Variants in FBN3 observed in about 807,000 individuals in gnomAD.
FBN3 encodes fibrillin 3, also known as fibrillin-3.
A neutral mutation model predicts 330.1 loss-of-function variants in FBN3; 234 were observed. The ratio of observed to expected loss-of-function variants is 0.71; its 90% confidence interval spans 0.64 to 0.79. The LOEUF is 0.79. Among genes scored for constraint, FBN3 ranks in the 30% least tolerant of loss-of-function variants. The pLI, the probability that FBN3 is intolerant of heterozygous loss-of-function variation, is 0.00. For synonymous variants in FBN3, 1,458 were observed against 1,517.3 expected (o/e 0.96, Z 0.91); for missense variants, 3,606 against 3,886.9 (o/e 0.93, Z 1.92).
At chr19:8,126,947 G>T in intron 18 of FBN3, 115 bp from the exon 19 acceptor site, 1 of 1,189,466 alleles carries the variant, frequency 8.4e-7, no homozygotes, top group Non-Finnish European at 1.1e-6. Context: ...GCACCCAGAT[G>T]CACAAGCATG....
chr19:8,118,481 A>T (rs2144876987), intron 26 of FBN3, among the ~76,000 whole-genome samples: 1 of 152,076 alleles, frequency 6.6e-6, no homozygotes, highest in African/African-American at 2.4e-5. Flanking sequence ...AATGAAACAC[A>T]CCTACGCACA....
Position 8,131,272 on chromosome 19 carries a change from C to G in FBN3, c.2007G>C (p.Leu669=). 6.2e-7 allele frequency: 1 copy of G among 1,611,994 alleles called. No individual in the cohort carries two copies. The highest frequency in any genetic ancestry group is 8.5e-7 in the Non-Finnish European group (1 of 1,179,564). The stretch of plus-strand genomic sequence containing the variant: ...TGGTAATGCCAAGCCCACTGCTGCA[C>G]AGTGCCTGGAACTCAGCTGGGGATG... The part of the protein sequence containing the change: ...PAKDSAEFQA[L]CSSGLGITTD... Residue 669 remains leucine (L), a synonymous_variant, in exon 16 of 64, where the codon CTG becomes CTC. Transcript: ENST00000600128. This position sits in a 1 kb window ranked among gnomAD's most constrained non-coding sequence, Gnocchi z 4.5.
chr19:8,104,933 TTCTC>T (rs988642568), intron 38 of FBN3, among the ~76,000 whole-genome samples: 3 of 146,648 alleles, frequency 2.0e-5, no homozygotes. Flanking sequence ...TTCTCTTTCT[TTCTC>T]TCTCTTTCTC....
intron 8 of FBN3, among the ~76,000 whole-genome samples, chr19:8,140,790 G>A (rs1237203284): frequency 3.9e-5 from 6 of 152,008 alleles, no homozygotes; most frequent in African/African-American, 1.5e-4. Context: ...TCCAATCCAA[G>A]GACTGGTCTT....
At chr19:8,116,224 C>G (rs115429206) in intron 29 of FBN3, among the ~76,000 whole-genome samples, 2,181 of 152,236 alleles carry the variant, frequency 0.014, 52 homozygotes, top group African/African-American at 0.046. Flanking sequence ...GCTCCCCAGG[C>G]CCTAGGACAA....
Position 8,131,235 on chromosome 19 carries a change from C to G in FBN3, c.2044G>C (p.Asp682His), listed in dbSNP as rs199635753. 2.8e-5 allele frequency: 45 copies of G among 1,608,522 alleles called. 2 individuals carry two copies. Among genetic ancestry groups the G allele is most frequent in the Admixed American group, 5.1e-5 (3 of 58,920 alleles). ...SGLGITTDGR[D>H]INECALDPEV... ...TTTGGAGGGGCTGGGCTCCACTTAC[C>G]TCGACCATCCGTGGTAATGCCAAGC... Residue 682 changes from aspartate to histidine, a missense_variant and splice_region_variant, in exon 16 of 64, where the codon GAC (aspartate) becomes CAC (histidine). Coordinates refer to ENST00000600128, the MANE Select transcript of FBN3 (RefSeq NM_032447.5). The surrounding 1 kb of genome is among the most constrained non-coding windows in gnomAD (Gnocchi z 4.5).
chr19:8,129,206 G>C lies in FBN3; in HGVS notation c.2170+34C>G. On this transcript the variant is annotated intron_variant, in intron 17 of 63. Coordinates refer to ENST00000600128, the MANE Select transcript of FBN3 (RefSeq NM_032447.5). This position sits in a 1 kb window ranked among gnomAD's most constrained non-coding sequence, Gnocchi z 4.5. ...TGAGGGGTCTGCAGTGGGAGAGGCTGCCCACACATCCGCCCGCCAGGTGGC... is the reference window on the plus strand; with the variant it reads ...TGAGGGGTCTGCAGTGGGAGAGGCTCCCCACACATCCGCCCGCCAGGTGGC... 6.2e-7 allele frequency: 1 copy of C among 1,612,618 alleles called. No homozygotes were observed. The highest frequency in any genetic ancestry group is 8.5e-7 in the Non-Finnish European group (1 of 1,179,270).
chr19:8,127,895 C>A (rs1419768877), intron 18 of FBN3, among the ~76,000 whole-genome samples: 1 of 152,148 alleles, frequency 6.6e-6, no homozygotes, highest in African/African-American at 2.4e-5. Context: ...ACAGGATAAT[C>A]TCTTAAACGG....
In FBN3 at chr19:8,129,521, G is replaced by T. The variant is rs960026827; in HGVS notation, c.2045-156C>A. Among the ~76,000 whole-genome samples the T allele has an allele frequency of 3.3e-5, 5 of 152,118 alleles. No homozygotes were observed. The highest frequency in any genetic ancestry group is 5.9e-5 in the Non-Finnish European group (4 of 68,022). Reference sequence around the variant, plus strand: ...CGGCCTCATTCTGCTCTAAACCGAGGTTTCTCAGCCTGGACACTGCTGACA... The same window carrying T: ...CGGCCTCATTCTGCTCTAAACCGAGTTTTCTCAGCCTGGACACTGCTGACA... On this transcript the variant is annotated intron_variant, in intron 16 of 63. Coordinates refer to ENST00000600128, the MANE Select transcript of FBN3 (RefSeq NM_032447.5). The surrounding 1 kb of genome is among the most constrained non-coding windows in gnomAD (Gnocchi z 4.5).
chr19:8,103,804 A>C (rs2082381130), intron 38 of FBN3, 117 bp from the exon 39 acceptor site: 1 of 982,422 alleles, frequency 1.0e-6, no homozygotes, highest in African/African-American at 1.6e-5. Flanking sequence ...TTGGTTTCAA[A>C]ATCAGTTTAA....
chr19:8,121,409 C>G lies in FBN3; in HGVS notation c.3083-23G>C. ...TATCTGTGGGGAGAGGGGGCAGAGGCCGGAGGCGCCATGTGGGCCGCATCA... is the reference window on the plus strand; with the variant it reads ...TATCTGTGGGGAGAGGGGGCAGAGGGCGGAGGCGCCATGTGGGCCGCATCA... On this transcript the variant is annotated intron_variant, in intron 24 of 63. Transcript: ENST00000600128. This position sits in a 1 kb window ranked among gnomAD's most constrained non-coding sequence, Gnocchi z 4.5. 1 of 1,568,548 alleles carries G rather than the reference C, an allele frequency of 6.4e-7. No individual in the cohort carries two copies. The highest frequency in any genetic ancestry group is 1.2e-5 in the South Asian group (1 of 84,946).
intron 31 of FBN3, 63 bp from the exon 32 acceptor site, chr19:8,111,833 G>A (rs1298570737): frequency 6.3e-7 from 1 of 1,585,024 alleles, no homozygotes; most frequent in Admixed American, 1.7e-5. Context: ...GCGCAGAAGG[G>A]AGAAAGACCC....
Position 8,096,770 on chromosome 19 carries a change from C to G in FBN3, c.5413+111G>C. The G allele has an allele frequency of 3.7e-6, 5 of 1,364,052 alleles. No homozygotes were observed. The highest frequency in any genetic ancestry group is 4.0e-6 in the Non-Finnish European group (4 of 994,864). The allele number at this position is 1,364,052 out of a possible 1,614,324, so 84.5% of individuals were successfully genotyped here. ...CAGACACTCTCAATACATCCCCCAC[C>G]CCCCTAATAGTATAGAAAAGGAGAA... On this transcript the variant is annotated intron_variant, in intron 43 of 63. Coordinates refer to ENST00000600128, the MANE Select transcript of FBN3 (RefSeq NM_032447.5). This position sits in a 1 kb window ranked among gnomAD's most constrained non-coding sequence, Gnocchi z 4.6.
At chr19:8,130,508 CA>C (rs202226806) in intron 16 of FBN3, among the ~76,000 whole-genome samples, 8 of 82,918 alleles carry the variant, frequency 9.6e-5, no homozygotes, top group Non-Finnish European at 1.2e-4. Context: ...AAGACTCTGT[CA>C]AAAAAAAAAG....
Position 8,102,945 on chromosome 19 carries a change from T to C in FBN3, c.4940-72A>G, listed in dbSNP as rs2082357879. The C allele has an allele frequency of 2.0e-6, 3 of 1,490,938 alleles. No individual in the cohort carries two copies. The African/African-American group carries it at 4.2e-5, about 21-fold the overall frequency. 92.4% of individuals were successfully genotyped at this position (1,490,938 alleles called of 1,614,324 possible). ...TCAGTGGAAGAGGGAGCCAAAGAGA[T>C]AGGAACTCCTTAACTGATTCATTTG... On this transcript the variant is annotated intron_variant, in intron 39 of 63. Transcript: ENST00000600128.
At chr19:8,116,424 G>A (rs1453500533) in intron 29 of FBN3, among the ~76,000 whole-genome samples, 1 of 152,206 alleles carries the variant, frequency 6.6e-6, no homozygotes, top group Non-Finnish European at 1.5e-5. Flanking sequence ...ATTTAAAAGA[G>A]CAAGGTTTGG....
intron 55 of FBN3, 38 bp downstream of exon 55, chr19:8,086,162 G>T: frequency 6.6e-7 from 1 of 1,505,818 alleles, no homozygotes; most frequent in Non-Finnish European, 9.1e-7. Flanking sequence ...CCACATGGTA[G>T]GTGGTTGCAA....
At chr19:8,148,175 C>T (rs2083595579) in intron 1 of FBN3, among the ~76,000 whole-genome samples, 1 of 152,104 alleles carries the variant, frequency 6.6e-6, no homozygotes, top group African/African-American at 2.4e-5. Flanking sequence ...CCCACCTGGC[C>T]CTGTGTCCCC....
In FBN3 at chr19:8,109,068, C is replaced by T. The variant is rs1445161646; in HGVS notation, c.4618+159G>A. 6.6e-6 allele frequency among the ~76,000 whole-genome samples: 1 copy of T among 151,430 alleles called. No individual in the cohort carries two copies. Among genetic ancestry groups the T allele is most frequent in the Non-Finnish European group, 1.5e-5 (1 of 68,030 alleles). On this transcript the variant is annotated intron_variant, in intron 36 of 63. Coordinates refer to ENST00000600128, the MANE Select transcript of FBN3 (RefSeq NM_032447.5). This position sits in a 1 kb window ranked among gnomAD's most constrained non-coding sequence, Gnocchi z 5.2. ...AGGCCCAGCCAATGAACTACCAAGACGTACACTGTGTGACCCAGGATGAGC... is the reference window on the plus strand; with the variant it reads ...AGGCCCAGCCAATGAACTACCAAGATGTACACTGTGTGACCCAGGATGAGC...
Sources: allele counts gnomAD v4.1 joint callset (sites outside exome capture counted in the v4.1 genomes callset), GRCh38; gene constraint gnomAD v4.1.1; non-coding constraint Gnocchi (gnomAD v3.1); transcripts MANE v1.5; gene names NCBI Gene and HGNC (gene_info 2026-07-23, HGNC 2026-07-21).